Variants in EYS observed in about 807,000 individuals in gnomAD.
EYS encodes the protein protein eyes shut homolog.
Under a neutral mutation model 282.1 loss-of-function variants are expected in EYS, and 250 were observed. The observed-to-expected ratio is 0.89, with a 90% CI of 0.80 to 0.98. The LOEUF is 0.98. Among genes scored for constraint, EYS ranks in the 50% least tolerant of loss-of-function variants. The pLI, the probability that EYS is intolerant of heterozygous loss-of-function variation, is 0.00. For missense variants in EYS, 4,016 were observed against 3,709.0 expected (o/e 1.08, Z -2.15); for synonymous variants, 1,355 against 1,282.9 (o/e 1.06, Z -1.20).
chr6:63,738,600 G>A (rs1049502543), intron 41 of EYS, among the ~76,000 whole-genome samples: 2 of 117,094 alleles, frequency 1.7e-5, no homozygotes, highest in African/African-American at 3.2e-5. Flanking sequence ...GGTGGGGGGA[G>A]GGGGGAGGGA....
At chr6:64,405,186 T>G (rs139573591) in intron 28 of EYS, among the ~76,000 whole-genome samples, 61 of 152,224 alleles carry the variant, frequency 4.0e-4, no homozygotes, top group African/African-American at 1.4e-3. Context: ...TTCACATCCA[T>G]GAAGTGACAT....
intron 5 of EYS, among the ~76,000 whole-genome samples, chr6:65,483,570 A>G (rs1765678046): frequency 6.6e-6 from 1 of 152,128 alleles, no homozygotes. Flanking sequence ...ATTTCAAATA[A>G]TATATATTAA....
intron 31 of EYS, among the ~76,000 whole-genome samples, chr6:64,192,490 T>C (rs1765145678): frequency 6.6e-6 from 1 of 151,966 alleles, no homozygotes; most frequent in Non-Finnish European, 1.5e-5. Flanking sequence ...GAGATATAGA[T>C]CAATGGAATA....
chr6:65,152,240 T>C (rs1764627899), intron 12 of EYS, among the ~76,000 whole-genome samples: 1 of 151,982 alleles, frequency 6.6e-6, no homozygotes, highest in South Asian at 2.1e-4. Flanking sequence ...TGCTGGCCTA[T>C]GTTCTTCTAG....
intron 30 of EYS, among the ~76,000 whole-genome samples, chr6:64,293,673 C>T (rs906207921): frequency 6.6e-6 from 1 of 151,920 alleles, no homozygotes; most frequent in Non-Finnish European, 1.5e-5. Context: ...TTTTTTTTAA[C>T]AAAGTATTTT....
intron 30 of EYS, among the ~76,000 whole-genome samples, chr6:64,303,880 G>A (rs973042691): frequency 2.7e-5 from 4 of 149,132 alleles, no homozygotes; most frequent in African/African-American, 7.4e-5. Context: ...GTAGGGTTAC[G>A]GCTGAAGTCA....
chr6:64,461,266 C>A (rs549981116), intron 26 of EYS, among the ~76,000 whole-genome samples: 18 of 152,292 alleles, frequency 1.2e-4, no homozygotes, highest in Non-Finnish European at 2.6e-4. Context: ...GCATTAACCA[C>A]ATAAATATGA....
At chr6:64,559,967 T>G (rs1765346473) in intron 26 of EYS, among the ~76,000 whole-genome samples, 1 of 152,144 alleles carries the variant, frequency 6.6e-6, no homozygotes. Context: ...TGAGTCCACG[T>G]GTTCTCGTCA....
At chr6:64,271,600 G>A (rs1767939892) in intron 30 of EYS, among the ~76,000 whole-genome samples, 1 of 152,082 alleles carries the variant, frequency 6.6e-6, no homozygotes, top group Non-Finnish European at 1.5e-5. Flanking sequence ...TGAAGTCAGA[G>A]AAAGAGTGTC....
chr6:65,169,910 C>T (rs1010987764), intron 12 of EYS, among the ~76,000 whole-genome samples: 2 of 151,446 alleles, frequency 1.3e-5, no homozygotes, highest in Non-Finnish European at 1.5e-5. Flanking sequence ...ACACTAAGCT[C>T]TAGCACTGAA....
intron 13 of EYS, among the ~76,000 whole-genome samples, chr6:65,010,695 T>A (rs1264755091): frequency 6.6e-6 from 1 of 152,142 alleles, no homozygotes; most frequent in East Asian, 1.9e-4. Flanking sequence ...CTGGCAGAAC[T>A]AATAGCCCTC....
chr6:64,539,060 T>C (rs1764615826), intron 26 of EYS, among the ~76,000 whole-genome samples: 1 of 152,194 alleles, frequency 6.6e-6, no homozygotes, highest in African/African-American at 2.4e-5. Flanking sequence ...AATTGTCTTT[T>C]GTGACTGGCT....
intron 28 of EYS, among the ~76,000 whole-genome samples, chr6:64,414,862 G>A (rs1012307682): frequency 6.6e-6 from 1 of 152,012 alleles, no homozygotes; most frequent in Non-Finnish European, 1.5e-5. Context: ...TGATAATTTT[G>A]GAAATGAATA....
At chr6:65,429,874 C>T (rs1189922959) in intron 5 of EYS, among the ~76,000 whole-genome samples, 4 of 151,968 alleles carry the variant, frequency 2.6e-5, no homozygotes, top group Admixed American at 1.3e-4. Flanking sequence ...CAATAATAGT[C>T]AATGTTTTAT....
intron 2 of EYS, among the ~76,000 whole-genome samples, chr6:65,583,241 C>T (rs1221799220): frequency 6.6e-6 from 1 of 151,908 alleles, no homozygotes; most frequent in Admixed American, 6.6e-5. Flanking sequence ...CTCAAGTATA[C>T]TTATTTTAAT....
intron 31 of EYS, among the ~76,000 whole-genome samples, chr6:64,129,057 A>G (rs898004073): frequency 4.6e-5 from 7 of 152,210 alleles, no homozygotes; most frequent in Non-Finnish European, 1.0e-4. Context: ...GTTTTGTTAA[A>G]ACACAGCCAC....
At chr6:64,531,908 C>A (rs1024768164) in intron 26 of EYS, among the ~76,000 whole-genome samples, 3 of 152,124 alleles carry the variant, frequency 2.0e-5, no homozygotes, top group African/African-American at 7.2e-5. Context: ...CTGGGAGTCA[C>A]ACCAGTGGGT....
At chr6:64,868,384 G>A (rs1766488483) in intron 19 of EYS, among the ~76,000 whole-genome samples, 1 of 151,358 alleles carries the variant, frequency 6.6e-6, no homozygotes, top group Non-Finnish European at 1.5e-5. Context: ...GAGAAAGCAT[G>A]TAAAATGCCA....
intron 35 of EYS, among the ~76,000 whole-genome samples, chr6:63,895,531 A>G (rs1773514966): frequency 6.6e-6 from 1 of 152,248 alleles, no homozygotes; most frequent in Non-Finnish European, 1.5e-5. Context: ...TAGCCATTCT[A>G]TGAAATTTGT....
Sources: allele counts gnomAD v4.1 joint callset (sites outside exome capture counted in the v4.1 genomes callset), GRCh38; gene constraint gnomAD v4.1.1; transcripts MANE v1.5; gene names NCBI Gene and HGNC (gene_info 2026-07-23, HGNC 2026-07-21).